The following LHFPL2 variants were observed in gnomAD, a reference collection of about 807,000 sequenced individuals.
LHFPL2 encodes the protein LHFPL tetraspan subfamily member 2.
LHFPL2 carries 7 observed loss-of-function variants against 17.5 expected under a neutral mutation model. That is an observed-to-expected ratio of 0.40 (90% CI 0.23 to 0.75). The LOEUF (loss-of-function observed/expected upper bound fraction) is 0.75, where lower values mean the gene tolerates loss of function less well. LHFPL2 is among the 30% of genes least tolerant of loss of function. LHFPL2 has a pLI of 0.37. For missense variants in LHFPL2, 241 were observed against 294.8 expected (o/e 0.82, Z 1.34); for synonymous variants, 134 against 116.2 (o/e 1.15, Z -0.99).
chr5:78,541,900 C>T lies in LHFPL2; in HGVS notation c.-186+22913G>A, dbSNP rs190338937. On this transcript the variant is annotated intron_variant, in intron 3 of 4. Coordinates refer to ENST00000380345, the MANE Select transcript of LHFPL2 (RefSeq NM_005779.3). ...AGCCTGAAGATGGTAGAAGCCAGAA[C>T]CACAGTGGTTAAGTTACATTTTTTT... Among the ~76,000 whole-genome samples, 4 of 152,248 alleles carry T rather than the reference C, an allele frequency of 2.6e-5. No homozygotes were observed. In the East Asian group the frequency reaches 5.8e-4, roughly 22 times the overall value.
chr5:78,508,481 C>A (rs1042905551), intron 4 of LHFPL2, among the ~76,000 whole-genome samples: 1 of 151,624 alleles, frequency 6.6e-6, no homozygotes, highest in African/African-American at 2.4e-5. Context: ...TTTCTCTTGG[C>A]CCATTACTCC....
chr5:78,563,944 T>C lies in LHFPL2; in HGVS notation c.-186+869A>G, dbSNP rs991490725. Among the ~76,000 whole-genome samples, 5 of 152,328 alleles carry C rather than the reference T, an allele frequency of 3.3e-5. No individual in the cohort carries two copies. The East Asian group carries it at 7.7e-4, about 23-fold the overall frequency. On this transcript the variant is annotated intron_variant, in intron 3 of 4. Coordinates refer to ENST00000380345, the MANE Select transcript of LHFPL2 (RefSeq NM_005779.3). ...TTTGAGGAGTCACCAGTTCATTTCA[T>C]AACATAAGAGCAATTTTTCCTTCCC... is the stretch of plus-strand genomic sequence containing the variant.
Position 78,485,291 on chromosome 5 carries a change from T to G in LHFPL2, c.*3606A>C, listed in dbSNP as rs951596706. The G allele has an allele frequency of 1.3e-5, 2 of 152,584 alleles. No individual in the cohort carries two copies. Among genetic ancestry groups the G allele is most frequent in the Middle Eastern group, 3.2e-3 (1 of 316 alleles). The allele number at this position is 152,584 out of a possible 1,614,324, so 9.5% of individuals were successfully genotyped here. A position where few individuals can be genotyped will look rare whatever the true frequency, so the allele number is the denominator to read the frequency against. On this transcript the variant is annotated 3_prime_UTR_variant, in exon 5 of 5. Coordinates refer to ENST00000380345, the MANE Select transcript of LHFPL2 (RefSeq NM_005779.3). ...GGGGAGCACATAGTGAAAATACATA[T>G]GCACAGGAACCAAATCAATGCTAGA...
chr5:78,549,516 G>A (rs1756378409), intron 3 of LHFPL2, among the ~76,000 whole-genome samples: 1 of 152,230 alleles, frequency 6.6e-6, no homozygotes, highest in South Asian at 2.1e-4. Flanking sequence ...TAGGTACTCT[G>A]AGATCAAAGC....
At chr5:78,495,695 C>T (rs893015750) in intron 4 of LHFPL2, among the ~76,000 whole-genome samples, 1 of 152,152 alleles carries the variant, frequency 6.6e-6, no homozygotes, top group South Asian at 2.1e-4. Context: ...TATGAAATAT[C>T]GGAACGTCTC....
chr5:78,520,714 T>C (rs1458205205), intron 3 of LHFPL2, among the ~76,000 whole-genome samples: 1 of 152,202 alleles, frequency 6.6e-6, no homozygotes, highest in Admixed American at 6.5e-5. Context: ...CCTCTTCTGC[T>C]CATATGTTTT....
intron 2 of LHFPL2, among the ~76,000 whole-genome samples, chr5:78,578,095 A>G (rs1486153504): frequency 6.6e-6 from 1 of 152,220 alleles, no homozygotes; most frequent in Non-Finnish European, 1.5e-5. Context: ...ACTGGCAAAC[A>G]CCAGGATAAC....
intron 4 of LHFPL2, among the ~76,000 whole-genome samples, chr5:78,500,264 C>T (rs1450944797): frequency 1.3e-5 from 2 of 152,236 alleles, no homozygotes; most frequent in African/African-American, 4.8e-5. Flanking sequence ...CATCTCACCT[C>T]CCAAGCAGCC....
intron 2 of LHFPL2, among the ~76,000 whole-genome samples, chr5:78,588,703 C>CT (rs1171030405): frequency 2.0e-5 from 3 of 152,160 alleles, no homozygotes; most frequent in Admixed American, 2.0e-4. Context: ...ATAAAAGTTA[C>CT]TTAACCTCTC....
chr5:78,627,712 C>G (rs1745099911), intron 2 of LHFPL2, among the ~76,000 whole-genome samples: 1 of 152,190 alleles, frequency 6.6e-6, no homozygotes, highest in African/African-American at 2.4e-5. Context: ...CCCTCGATAG[C>G]TACTTCCACT....
At chr5:78,565,142 C>A (rs1756826610) in intron 2 of LHFPL2, among the ~76,000 whole-genome samples, 1 of 152,206 alleles carries the variant, frequency 6.6e-6, no homozygotes, top group African/African-American at 2.4e-5. Context: ...ACATCGTTTC[C>A]TTTCCCCTCA....
intron 4 of LHFPL2, among the ~76,000 whole-genome samples, chr5:78,497,185 C>CT (rs1754632653): frequency 6.6e-6 from 1 of 152,202 alleles, no homozygotes; most frequent in African/African-American, 2.4e-5. Context: ...CCAATTTACT[C>CT]TATCGGCAAA....
chr5:78,623,487 C>G (rs1303416185), intron 2 of LHFPL2, among the ~76,000 whole-genome samples: 1 of 152,188 alleles, frequency 6.6e-6, no homozygotes, highest in Non-Finnish European at 1.5e-5. Flanking sequence ...AGAGAGAGAA[C>G]TATTGCATTG....
At chr5:78,612,330 C>T (rs1288014557) in intron 2 of LHFPL2, among the ~76,000 whole-genome samples, 1 of 152,148 alleles carries the variant, frequency 6.6e-6, no homozygotes, top group Non-Finnish European at 1.5e-5. Flanking sequence ...GCCATTAAAA[C>T]AAATCAGTAG....
intron 1 of LHFPL2, among the ~76,000 whole-genome samples, chr5:78,633,629 T>C (rs1745329102): frequency 6.6e-6 from 1 of 152,198 alleles, no homozygotes; most frequent in African/African-American, 2.4e-5. Flanking sequence ...TCACACTCCA[T>C]AGTGCTTTGA....
At position 78,487,157 on chromosome 5, in the gene LHFPL2, C is replaced by T. The variant is rs1008596321; in HGVS notation, c.*1740G>A. 6.6e-6 allele frequency: 1 copy of T among 152,186 alleles called. No individual in the cohort carries two copies. Among genetic ancestry groups the T allele is most frequent in the African/African-American group, 2.4e-5 (1 of 41,428 alleles). 9.4% of individuals were successfully genotyped at this position (152,186 alleles called of 1,614,324 possible). On this transcript the variant is annotated 3_prime_UTR_variant, in exon 5 of 5. Transcript: ENST00000380345. The stretch of plus-strand genomic sequence containing the variant: ...ATGGGAAACTCATTAAGGCTAGTTC[C>T]ACACCTCCCACCCCTTTTGCCCTTA...
At chr5:78,498,791 G>A (rs775626184) in intron 4 of LHFPL2, among the ~76,000 whole-genome samples, 7 of 152,140 alleles carry the variant, frequency 4.6e-5, no homozygotes, top group Non-Finnish European at 7.4e-5. Context: ...GAATGTCTTG[G>A]GTAAAAATAA....
chr5:78,628,121 C>T (rs1283230041), intron 2 of LHFPL2, among the ~76,000 whole-genome samples: 2 of 152,134 alleles, frequency 1.3e-5, no homozygotes, highest in East Asian at 1.9e-4. Context: ...ATCGAGCTCT[C>T]GTTTTACCAG....
chr5:78,510,317 C>A lies in LHFPL2; in HGVS notation c.-104G>T. On this transcript the variant is annotated 5_prime_UTR_variant, in exon 4 of 5. Transcript: ENST00000380345. ...GGGCGGCCCGGGAAGGAAGTCGCAGCTGCAGTCATTCACTCCCGCCGCCGG... is the reference window on the plus strand; with the variant it reads ...GGGCGGCCCGGGAAGGAAGTCGCAGATGCAGTCATTCACTCCCGCCGCCGG... 8.6e-7 allele frequency: 1 copy of A among 1,162,084 alleles called. No homozygotes were observed. 72.0% of individuals were successfully genotyped at this position (1,162,084 alleles called of 1,614,324 possible).
Sources: gnomAD v4.1 joint callset for allele counts (sites outside exome capture counted in the v4.1 genomes callset) on GRCh38, gnomAD v4.1.1 for gene constraint, MANE v1.5 for transcripts, NCBI Gene and HGNC (gene_info 2026-07-23, HGNC 2026-07-21) for gene names.